The following RIMS2 variants were observed in gnomAD, a reference collection of about 807,000 sequenced individuals.
RIMS2 encodes the protein regulating synaptic membrane exocytosis 2.
RIMS2 carries 59 observed loss-of-function variants against 174.4 expected under a neutral mutation model. That is an observed-to-expected ratio of 0.34 (90% confidence interval 0.27 to 0.42). RIMS2 has a LOEUF of 0.42. Among genes scored for constraint, RIMS2 ranks in the 10% least tolerant of loss-of-function variants. RIMS2 has a pLI of 1.00. For synonymous variants in RIMS2, 606 were observed against 572.5 expected (o/e 1.06, Z -0.84); for missense variants, 1,620 against 1,666.3 (o/e 0.97, Z 0.48).
At chr8:103,773,539 G>T (rs962460262) in intron 3 of RIMS2, among the ~76,000 whole-genome samples, 1 of 152,140 alleles carries the variant, frequency 6.6e-6, no homozygotes, top group Non-Finnish European at 1.5e-5. Flanking sequence ...AGACCAGCCT[G>T]ACCAACATGG....
chr8:104,249,498 G>T (rs760737771), exon 22 of RIMS2: 3 of 1,597,078 alleles, frequency 1.9e-6, no homozygotes, highest in Non-Finnish European at 1.7e-6. Context: ...TGACATTCAG[G>T]TAGGAATGAT....
intron 3 of RIMS2, among the ~76,000 whole-genome samples, chr8:103,862,484 A>T (rs1344588124): frequency 6.7e-6 from 1 of 148,554 alleles, no homozygotes; most frequent in Non-Finnish European, 1.5e-5. Flanking sequence ...CGGCCTTTAG[A>T]TTTTTTTTTT....
chr8:103,865,284 C>CTTT lies in RIMS2; in HGVS notation c.699-19998_699-19996dup, dbSNP rs67300843. Among the ~76,000 whole-genome samples, 98 of 119,728 alleles carry CTTT rather than the reference C, an allele frequency of 8.2e-4. 1 individual carries two copies. Among genetic ancestry groups the CTTT allele is most frequent in the Non-Finnish European group, 1.2e-3 (74 of 59,732 alleles). 78.5% of individuals were successfully genotyped at this position (119,728 alleles called of 152,430 possible). A position where few individuals can be genotyped will look rare whatever the true frequency, so the allele number is the denominator to read the frequency against. On this transcript the variant is annotated intron_variant, in intron 3 of 23. Coordinates refer to ENST00000504942, the Ensembl canonical transcript of RIMS2. ...ATAACTTTTCAATGTCAGTTTTTTT[C>CTTT]TTTTTTTTTTTTTTTTTTGAGATGG...
At chr8:104,219,463 G>A (rs1320665960) in intron 19 of RIMS2, among the ~76,000 whole-genome samples, 2 of 152,160 alleles carry the variant, frequency 1.3e-5, no homozygotes, top group African/African-American at 4.8e-5. Context: ...ATTCTGTCAG[G>A]ATTGATGTAA....
At chr8:103,760,797 A>C (rs1256547959) in intron 2 of RIMS2, among the ~76,000 whole-genome samples, 3 of 152,200 alleles carry the variant, frequency 2.0e-5, no homozygotes, top group Non-Finnish European at 4.4e-5. Flanking sequence ...CTGTAGCAAA[A>C]TGTATATTTG....
At chr8:103,813,064 A>T (rs772468313) in intron 3 of RIMS2, among the ~76,000 whole-genome samples, 2 of 152,190 alleles carry the variant, frequency 1.3e-5, no homozygotes, top group African/African-American at 4.8e-5. Context: ...GTTATAGATG[A>T]TACATATTGT....
chr8:103,657,054 T>C (rs1420137473), intron 1 of RIMS2, among the ~76,000 whole-genome samples: 1 of 152,122 alleles, frequency 6.6e-6, no homozygotes, highest in African/African-American at 2.4e-5. Flanking sequence ...GTTCCCCACC[T>C]TCCCTCAAGA....
chr8:103,807,211 A>G (rs1293323202), intron 3 of RIMS2, among the ~76,000 whole-genome samples: 3 of 147,602 alleles, frequency 2.0e-5, no homozygotes, highest in African/African-American at 5.0e-5. Flanking sequence ...AACAAAAGAC[A>G]CTGTGAAAAA....
chr8:103,653,879 T>C (rs918094150), intron 1 of RIMS2, among the ~76,000 whole-genome samples: 1 of 152,116 alleles, frequency 6.6e-6, no homozygotes, highest in African/African-American at 2.4e-5. Flanking sequence ...GCCTACTGTT[T>C]TATTCTTGGC....
In RIMS2 at chr8:103,515,523, C is replaced by T. The variant is rs148307704; in HGVS notation, c.176+14461C>T. On this transcript the variant is annotated intron_variant, in intron 1 of 23. Coordinates refer to ENST00000504942, the Ensembl canonical transcript of RIMS2. ...ATAGACAACAAACTTAGGTATGGAA[C>T]AACAGAGAACAATATTCTGATCTCG... Among the ~76,000 whole-genome samples, 669 of 152,188 alleles carry T rather than the reference C, an allele frequency of 4.4e-3. 24 individuals are homozygous for T. The highest frequency in any genetic ancestry group is 0.035 in the Admixed American group (535 of 15,286).
At chr8:104,066,469 T>G (rs147872595) in intron 19 of RIMS2, among the ~76,000 whole-genome samples, 423 of 152,260 alleles carry the variant, frequency 2.8e-3, no homozygotes, top group Non-Finnish European at 4.5e-3. Context: ...TGAGAAACTT[T>G]CCAAACACAC....
Position 104,140,472 on chromosome 8 carries a change from G to A in RIMS2, c.3335-104444G>A, listed in dbSNP as rs530758535. On this transcript the variant is annotated intron_variant, in intron 19 of 23. Coordinates refer to ENST00000504942, the Ensembl canonical transcript of RIMS2. ...CCCTTAGATAATAACTATGTCTCATGTCTTATTTATTGTTCTTATTGACCA... is the reference window on the plus strand; with the variant it reads ...CCCTTAGATAATAACTATGTCTCATATCTTATTTATTGTTCTTATTGACCA... 3.3e-5 allele frequency among the ~76,000 whole-genome samples: 5 copies of A among 152,110 alleles called. No homozygotes were observed. The East Asian group carries it at 9.6e-4, about 29-fold the overall frequency.
chr8:104,098,947 A>G (rs905014965), intron 19 of RIMS2, among the ~76,000 whole-genome samples: 2 of 152,202 alleles, frequency 1.3e-5, no homozygotes, highest in Admixed American at 1.3e-4. Flanking sequence ...CAGCATTGTC[A>G]TCCTGACTGT....
At position 104,122,880 on chromosome 8, in the gene RIMS2, T is replaced by G. The variant is rs77309936; in HGVS notation, c.3334+108265T>G. 7.7e-3 allele frequency among the ~76,000 whole-genome samples: 1,179 copies of G among 152,280 alleles called. 24 individuals carry two copies. Among genetic ancestry groups the G allele is most frequent in the African/African-American group, 0.027 (1,114 of 41,564 alleles). On this transcript the variant is annotated intron_variant, in intron 19 of 23. Coordinates refer to ENST00000504942, the Ensembl canonical transcript of RIMS2. Reference sequence around the variant, plus strand: ...ACTATGTACTTTCTGAATAGAGTACTTGACAGTCAACAAGTTATCTTTCTT... The same window carrying G: ...ACTATGTACTTTCTGAATAGAGTACGTGACAGTCAACAAGTTATCTTTCTT...
intron 19 of RIMS2, among the ~76,000 whole-genome samples, chr8:104,070,881 A>G (rs1156820229): frequency 1.3e-5 from 2 of 152,158 alleles, no homozygotes; most frequent in Non-Finnish European, 2.9e-5. Flanking sequence ...TGTATAGTCT[A>G]AGATCCTACA....
intron 4 of RIMS2, among the ~76,000 whole-genome samples, chr8:103,897,135 AT>A (rs1444973858): frequency 6.6e-6 from 1 of 151,408 alleles, no homozygotes; most frequent in African/African-American, 2.4e-5. Context: ...AATCTTGTGA[AT>A]TTTTTTCCCT....
chr8:104,053,297 T>C (rs2096818351), intron 19 of RIMS2, among the ~76,000 whole-genome samples: 1 of 152,214 alleles, frequency 6.6e-6, no homozygotes, highest in South Asian at 2.1e-4. Flanking sequence ...ATAACTCAAG[T>C]ATACAAGGCT....
Position 103,915,672 on chromosome 8 carries a change from G to A in RIMS2, c.1912+78G>A, listed in dbSNP as rs149306079. On this transcript the variant is annotated intron_variant, in intron 7 of 23. Coordinates refer to ENST00000504942, the Ensembl canonical transcript of RIMS2. ...ATGAGTTATTTTCATTTATTTAGAA[G>A]TGATTTGACAATAACAAAGAGCTCA... 1.3e-5 allele frequency: 8 copies of A among 639,346 alleles called. No homozygotes were observed. In the Admixed American group the frequency reaches 2.0e-4, roughly 16 times the overall value. The allele number at this position is 639,346 out of a possible 1,614,324, so 39.6% of individuals were successfully genotyped here.
intron 2 of RIMS2, among the ~76,000 whole-genome samples, chr8:103,731,822 A>G (rs975356916): frequency 6.6e-6 from 1 of 152,110 alleles, no homozygotes; most frequent in African/African-American, 2.4e-5. Flanking sequence ...TCTTTGTTAA[A>G]TTTATCTGAT....
Sources: allele counts gnomAD v4.1 joint callset (sites outside exome capture counted in the v4.1 genomes callset), GRCh38; gene constraint gnomAD v4.1.1; transcripts MANE v1.5; gene names NCBI Gene and HGNC (gene_info 2026-07-23, HGNC 2026-07-21).